Variants in GREB1L observed in about 807,000 individuals in gnomAD.
GREB1L encodes the protein GREB1 like retinoic acid receptor coactivator, also known as GREB1-like protein.
A neutral mutation model predicts 200.8 loss-of-function variants in GREB1L; 17 were observed. The ratio of observed to expected loss-of-function variants is 0.08; its 90% CI spans 0.06 to 0.13. The LOEUF (loss-of-function observed/expected upper bound fraction) is 0.13, where lower values mean the gene tolerates loss of function less well. Among genes scored for constraint, GREB1L ranks in the 10% least tolerant of loss-of-function variants. The pLI, the probability that GREB1L is intolerant of heterozygous loss-of-function variation, is 1.00. For missense variants in GREB1L, 1,657 were observed against 2,367.7 expected (o/e 0.70, Z 6.23); for synonymous variants, 789 against 893.0 (o/e 0.88, Z 2.08).
intron 1 of GREB1L, among the ~76,000 whole-genome samples, chr18:21,296,987 T>C (rs114288308): frequency 0.015 from 2,260 of 152,152 alleles, 59 homozygotes; most frequent in African/African-American, 0.051. Flanking sequence ...AGCATCAGGA[T>C]TTTTGAGTTT....
chr18:21,453,514 G>A (rs1439286516), intron 14 of GREB1L, among the ~76,000 whole-genome samples: 1 of 152,224 alleles, frequency 6.6e-6, no homozygotes, highest in Non-Finnish European at 1.5e-5. Context: ...GCCTGCTCAC[G>A]TGTTTAGCTG....
chr18:21,500,318 C>A lies in GREB1L; in HGVS notation c.3969+12C>A. ...CAGGGCCCCCACAGGTAGGGCCAAGCCAGCCGGGGCCGTTTCTTAGGCTGG... is the reference window on the plus strand; with the variant it reads ...CAGGGCCCCCACAGGTAGGGCCAAGACAGCCGGGGCCGTTTCTTAGGCTGG... On this transcript the variant is annotated intron_variant, in intron 22 of 32. Transcript: ENST00000424526. 1 of 1,086,028 alleles carries A rather than the reference C, an allele frequency of 9.2e-7. No homozygotes were observed. The highest frequency in any genetic ancestry group is 1.4e-6 in the Non-Finnish European group (1 of 740,412). The allele number at this position is 1,086,028 out of a possible 1,614,324, so 67.3% of individuals were successfully genotyped here.
At chr18:21,244,267 T>G (rs2143809663) in intron 1 of GREB1L, among the ~76,000 whole-genome samples, 1 of 152,332 alleles carries the variant, frequency 6.6e-6, no homozygotes, top group Non-Finnish European at 1.5e-5. Context: ...GAATTCTTTA[T>G]GAAGTAGAGA....
intron 1 of GREB1L, among the ~76,000 whole-genome samples, chr18:21,336,553 C>T (rs2039188342): frequency 6.6e-6 from 1 of 152,204 alleles, no homozygotes; most frequent in African/African-American, 2.4e-5. Flanking sequence ...AGTAAAGCAA[C>T]AGGACCTTAT....
At chr18:21,411,873 G>A (rs1198454353) in intron 7 of GREB1L, among the ~76,000 whole-genome samples, 5 of 151,116 alleles carry the variant, frequency 3.3e-5, no homozygotes, top group South Asian at 2.1e-4. Context: ...GTGAAACCCC[G>A]TCTCTACTAA....
intron 19 of GREB1L, among the ~76,000 whole-genome samples, chr18:21,493,070 A>G (rs1451877771): frequency 6.6e-6 from 1 of 152,206 alleles, no homozygotes; most frequent in Non-Finnish European, 1.5e-5. Flanking sequence ...GGATGTTCAC[A>G]TCGTAAGCAA....
intron 1 of GREB1L, among the ~76,000 whole-genome samples, chr18:21,314,091 C>T (rs1309722413): frequency 6.6e-6 from 1 of 152,168 alleles, no homozygotes; most frequent in Non-Finnish European, 1.5e-5. Flanking sequence ...GAAGTGATTA[C>T]CTGGTACCTA....
At chr18:21,261,629 A>G (rs1300218964) in intron 1 of GREB1L, among the ~76,000 whole-genome samples, 1 of 152,106 alleles carries the variant, frequency 6.6e-6, no homozygotes, top group African/African-American at 2.4e-5. Flanking sequence ...ACCTTTCTAT[A>G]TGTAAATTTT....
intron 1 of GREB1L, among the ~76,000 whole-genome samples, chr18:21,303,044 A>AC (rs1291791932): frequency 2.6e-5 from 4 of 152,122 alleles, no homozygotes; most frequent in African/African-American, 9.7e-5. Flanking sequence ...TTTAGCAGAG[A>AC]CAGGGTTTCA....
At chr18:21,282,826 C>T (rs1410259489) in intron 1 of GREB1L, among the ~76,000 whole-genome samples, 1 of 152,182 alleles carries the variant, frequency 6.6e-6, no homozygotes, top group Admixed American at 6.5e-5. Context: ...TCTCGAACCC[C>T]TGACCTTATG....
At chr18:21,271,816 T>A (rs1225768578) in intron 1 of GREB1L, among the ~76,000 whole-genome samples, 3 of 152,062 alleles carry the variant, frequency 2.0e-5, no homozygotes, top group Non-Finnish European at 2.9e-5. Flanking sequence ...ATCCCTGCGG[T>A]GGACTTTCCA....
chr18:21,253,401 C>A (rs1365452807), intron 1 of GREB1L, among the ~76,000 whole-genome samples: 1 of 151,886 alleles, frequency 6.6e-6, no homozygotes, highest in African/African-American at 2.4e-5. Flanking sequence ...CAGGCATGTG[C>A]CACCATGCCT....
intron 2 of GREB1L, among the ~76,000 whole-genome samples, chr18:21,367,483 C>T (rs573730673): frequency 1.8e-3 from 268 of 152,036 alleles, no homozygotes; most frequent in Middle Eastern, 3.4e-3. Context: ...GGAGGGTGGA[C>T]GGGGAGAGGT....
chr18:21,517,461 C>T (rs555642526), intron 30 of GREB1L, among the ~76,000 whole-genome samples: 2 of 152,184 alleles, frequency 1.3e-5, no homozygotes, highest in Admixed American at 6.5e-5. Flanking sequence ...CGGGTTCAAG[C>T]GATTCTCCTG....
intron 7 of GREB1L, among the ~76,000 whole-genome samples, chr18:21,426,496 T>A (rs921379274): frequency 4.6e-5 from 7 of 152,224 alleles, no homozygotes; most frequent in Non-Finnish European, 8.8e-5. Flanking sequence ...TGTTGTCAAA[T>A]TTCATTTGCC....
At chr18:21,245,217 G>T (rs149180374) in intron 1 of GREB1L, among the ~76,000 whole-genome samples, 39 of 152,272 alleles carry the variant, frequency 2.6e-4, no homozygotes, top group East Asian at 2.1e-3. Flanking sequence ...AAAAAGTGTT[G>T]ATGTTAAGAT....
chr18:21,298,884 GT>G (rs2038572096), intron 1 of GREB1L, among the ~76,000 whole-genome samples: 1 of 151,850 alleles, frequency 6.6e-6, no homozygotes, highest in South Asian at 2.1e-4. Flanking sequence ...CATATGAGCT[GT>G]GATCATGCCA....
intron 15 of GREB1L, among the ~76,000 whole-genome samples, 167 bp from the exon 16 acceptor site, chr18:21,472,864 C>G (rs2035538189): frequency 6.6e-6 from 1 of 152,164 alleles, no homozygotes; most frequent in East Asian, 1.9e-4. Context: ...CTGATATTTC[C>G]TCCTCATACT....
chr18:21,431,906 T>A, intron 7 of GREB1L, among the ~76,000 whole-genome samples: 1 of 146,536 alleles, frequency 6.8e-6, no homozygotes, highest in Admixed American at 6.9e-5. Flanking sequence ...AGAGTCTATT[T>A]TTCTTTTCTT....
Sources: allele counts gnomAD v4.1 joint callset (sites outside exome capture counted in the v4.1 genomes callset), GRCh38; gene constraint gnomAD v4.1.1; transcripts MANE v1.5; gene names NCBI Gene and HGNC (gene_info 2026-07-23, HGNC 2026-07-21).